Variants in EPB41L3 observed in about 807,000 individuals in gnomAD.
EPB41L3 encodes band 4.1-like protein 3.
Under a neutral mutation model 127.1 loss-of-function variants are expected in EPB41L3, and 57 were observed. The ratio of observed to expected loss-of-function variants is 0.45; its 90% CI spans 0.36 to 0.56. The LOEUF is 0.56. EPB41L3 is among the 20% of genes least tolerant of loss of function. The pLI, the probability that EPB41L3 is intolerant of heterozygous loss-of-function variation, is 0.00. For missense variants in EPB41L3, 1,273 were observed against 1,372.2 expected (o/e 0.93, Z 1.14); for synonymous variants, 572 against 549.5 (o/e 1.04, Z -0.57).
intron 16 of EPB41L3, chr18:5,398,491 T>C (rs1598432927): frequency 2.4e-6 from 1 of 409,274 alleles, no homozygotes; most frequent in Non-Finnish European, 4.3e-6. Flanking sequence ...CACTGCGGTA[T>C]TGATTTAACC....
At chr18:5,569,848 G>A (rs1385398125) in intron 3 of EPB41L3, among the ~76,000 whole-genome samples, 1 of 152,164 alleles carries the variant, frequency 6.6e-6, no homozygotes, top group African/African-American at 2.4e-5. Context: ...ACTCTAGCTC[G>A]ATGAACTTTG....
chr18:5,614,423 C>T (rs1329553777), exon 2 of EPB41L3: 1 of 152,172 alleles, frequency 6.6e-6, no homozygotes, highest in Non-Finnish European at 1.5e-5. Flanking sequence ...CCCAATACCT[C>T]CTACATTCAA....
intron 3 of EPB41L3, among the ~76,000 whole-genome samples, chr18:5,602,749 C>T (rs2094605015): frequency 6.6e-6 from 1 of 152,140 alleles, no homozygotes; most frequent in African/African-American, 2.4e-5. Flanking sequence ...CCTCACCTCA[C>T]CTCCTCCCTT....
chr18:5,629,702 G>A (rs2094968824), upstream of EPB41L3, among the ~76,000 whole-genome samples: 1 of 152,122 alleles, frequency 6.6e-6, no homozygotes, highest in Admixed American at 6.5e-5. Flanking sequence ...GATTCGGAGG[G>A]AGCACTAGAG....
rs540464342 is a variant in EPB41L3, at chr18:5,412,835, A to C, written c.2068-2216T>G. On this transcript the variant is annotated intron_variant, in intron 13 of 22. Transcript: ENST00000341928. Reference sequence around the variant, plus strand: ...TAACTGTATTGGGTAATGGATAGTAAGTGCTCTATATAATGCCTGACACAC... The same window carrying C: ...TAACTGTATTGGGTAATGGATAGTACGTGCTCTATATAATGCCTGACACAC... 2.6e-5 allele frequency among the ~76,000 whole-genome samples: 4 copies of C among 151,658 alleles called. No homozygotes were observed. In the South Asian group the frequency reaches 8.4e-4, roughly 32 times the overall value.
At chr18:5,564,759 C>T (rs2094176390) in intron 3 of EPB41L3, among the ~76,000 whole-genome samples, 1 of 152,154 alleles carries the variant, frequency 6.6e-6, no homozygotes, top group Non-Finnish European at 1.5e-5. Context: ...TCCCCAACTC[C>T]TCCCACTCCT....
intron 3 of EPB41L3, 144 bp downstream of exon 3, chr18:5,478,097 T>G: frequency 1.6e-6 from 1 of 636,000 alleles, no homozygotes; most frequent in Non-Finnish European, 2.6e-6. Context: ...TGTTACAGAC[T>G]AGGGAAATAA....
chr18:5,475,362 G>T (rs2086960436), intron 3 of EPB41L3, among the ~76,000 whole-genome samples: 1 of 149,600 alleles, frequency 6.7e-6, no homozygotes, highest in African/African-American at 2.4e-5. Context: ...AAACTTTAAG[G>T]AAGTTCCTTG....
intron 3 of EPB41L3, among the ~76,000 whole-genome samples, chr18:5,597,209 C>T (rs1411963726): frequency 6.6e-6 from 1 of 152,166 alleles, no homozygotes; most frequent in African/African-American, 2.4e-5. Context: ...TCCTCAAGTG[C>T]CTTTTGGTTT....
Position 5,415,978 on chromosome 18 carries a change from A to C in EPB41L3, c.1907T>G (p.Phe636Cys). ...PIRSPSLVPC[F>C]LFIFFFLLSA... Reference sequence around the variant, plus strand: ...CAGCAGAAAGAAAAAGATGAAGAGGAAACAGGGCACAAGGGACGGTGAGCG... The same window carrying C: ...CAGCAGAAAGAAAAAGATGAAGAGGCAACAGGGCACAAGGGACGGTGAGCG... Residue 636 changes from phenylalanine to cysteine, a missense_variant, in exon 13 of 23, where the codon TTC (phenylalanine) becomes TGC (cysteine). This residue lies in a region of EPB41L3 where 765 missense variants were observed against 782.9 expected (regional missense o/e 0.98). Coordinates refer to ENST00000341928, the MANE Select transcript of EPB41L3 (RefSeq NM_012307.5). 6.2e-7 allele frequency: 1 copy of C among 1,614,138 alleles called. No homozygotes were observed. Among genetic ancestry groups the C allele is most frequent in the East Asian group, 2.2e-5 (1 of 44,864 alleles).
intron 3 of EPB41L3, among the ~76,000 whole-genome samples, chr18:5,578,660 C>T (rs2094361043): frequency 6.6e-6 from 1 of 152,136 alleles, no homozygotes; most frequent in Admixed American, 6.5e-5. Context: ...TGGTGGTCAG[C>T]ACCATTAGTA....
chr18:5,585,773 T>C (rs2094436549), intron 3 of EPB41L3, among the ~76,000 whole-genome samples: 1 of 152,164 alleles, frequency 6.6e-6, no homozygotes, highest in South Asian at 2.1e-4. Flanking sequence ...CTGGTGTGGG[T>C]TGGCTTTGGC....
chr18:5,419,801 C>A lies in EPB41L3; in HGVS notation c.1416G>T (p.Lys472Asn), dbSNP rs1262974872. The change falls in exon 12 of 23, where the codon AAG becomes AAT. Residue 472 changes from lysine (K) to asparagine (N), a missense_variant. By Grantham distance (94) the Lys-to-Asn change is moderately conservative (BLOSUM62 0). This residue lies in a region of EPB41L3 where 765 missense variants were observed against 782.9 expected (regional missense o/e 0.98). Coordinates refer to ENST00000341928, the MANE Select transcript of EPB41L3 (RefSeq NM_012307.5). ...CCTCGTCCCGCTCCTCCTCAGCCTT[C>A]TTCTCCGGAGTCACAGTGGTGATCA... ...TNLITTVTPE[K>N]KAEEERDEEE... 6 of 1,614,090 alleles carry A rather than the reference C, an allele frequency of 3.7e-6. No individual in the cohort carries two copies. Among genetic ancestry groups the A allele is most frequent in the Non-Finnish European group, 5.1e-6 (6 of 1,180,038 alleles).
At chr18:5,418,608 T>C (rs991716493) in intron 12 of EPB41L3, among the ~76,000 whole-genome samples, 2 of 152,304 alleles carry the variant, frequency 1.3e-5, no homozygotes, top group Admixed American at 6.5e-5. Context: ...ACAGCAAAAG[T>C]TATCGAAATA....
intron 1 of EPB41L3, among the ~76,000 whole-genome samples, chr18:5,618,672 T>C (rs1026277200): frequency 1.8e-4 from 28 of 152,352 alleles, no homozygotes; most frequent in African/African-American, 5.3e-4. Flanking sequence ...ATGTGTATCT[T>C]TGTGAACAGA....
intron 1 of EPB41L3, among the ~76,000 whole-genome samples, chr18:5,537,897 AAAAC>A (rs141258878): frequency 6.6e-6 from 1 of 152,346 alleles, no homozygotes; most frequent in East Asian, 1.9e-4. Flanking sequence ...AATACATAGA[AAAAC>A]AATCACTGAT....
rs140523440 is a variant in EPB41L3 at position 5,429,648 on chromosome 18, G to A, written c.913-1183C>T. ...TGGGACATGTAAGTTTGCCAACAAA[G>A]CATAATTGGTTTAAAATGAAATATT... On this transcript the variant is annotated intron_variant, in intron 8 of 22. Coordinates refer to ENST00000341928, the MANE Select transcript of EPB41L3 (RefSeq NM_012307.5). Among the ~76,000 whole-genome samples the A allele has an allele frequency of 4.0e-3, 614 of 152,226 alleles. 6 individuals are homozygous for A. The highest frequency in any genetic ancestry group is 0.014 in the African/African-American group (562 of 41,526).
At position 5,410,548 on chromosome 18, in the gene EPB41L3, C is replaced by T. The variant is rs879021329; in HGVS notation, c.2121+18G>A. ...TTTCGGTATGCCACTACCAGCCACT[C>T]TCAGCCAAAATACCAACCTCAGTGG... On this transcript the variant is annotated intron_variant, in intron 14 of 22. Transcript: ENST00000341928. The T allele has an allele frequency of 1.2e-6, 2 of 1,610,634 alleles. No individual in the cohort carries two copies. The highest frequency in any genetic ancestry group is 1.3e-5 in the African/African-American group (1 of 74,918).
chr18:5,394,859 A>G (rs2073085237), intron 21 of EPB41L3, 66 bp from the exon 22 acceptor site: 3 of 1,457,878 alleles, frequency 2.1e-6, no homozygotes, highest in Non-Finnish European at 2.9e-6. Flanking sequence ...ATCAGTGGTG[A>G]GGTGGAGACT....
Sources: gnomAD v4.1 joint callset for allele counts (sites outside exome capture counted in the v4.1 genomes callset) on GRCh38, gnomAD v4.1.1 for gene constraint, gnomAD v4.1.1 regional missense constraint, MANE v1.5 for transcripts, NCBI Gene and HGNC (gene_info 2026-07-23, HGNC 2026-07-21) for gene names.